Variants in QRICH1 observed in about 807,000 individuals in gnomAD.
QRICH1 encodes the protein transcriptional regulator QRICH1.
QRICH1 carries 16 observed loss-of-function variants against 87.1 expected under a neutral mutation model. That is an observed-to-expected ratio of 0.18 (90% CI 0.12 to 0.28). The LOEUF (loss-of-function observed/expected upper bound fraction) is 0.28, where lower values mean the gene tolerates loss of function less well. Ranked by LOEUF, QRICH1 falls within the 10% of genes least tolerant of loss-of-function variation. The pLI is 1.00. For missense variants in QRICH1, 647 were observed against 951.7 expected, an observed-to-expected ratio of 0.68 and a Z score of 4.21; for synonymous variants, 367 against 368.4, an observed-to-expected ratio of 1.00 and a Z score of 0.05.
At chr3:49,047,436 T>G (rs1024719513) in intron 3 of QRICH1, among the ~76,000 whole-genome samples, 190 bp from the exon 4 acceptor site, 3 of 151,574 alleles carry the variant, frequency 2.0e-5, no homozygotes, top group African/African-American at 7.3e-5. Flanking sequence ...GCACTGCAAC[T>G]GGGCTAGTGC....
At chr3:49,076,629 A>G in intron 2 of QRICH1, 80 bp downstream of exon 2, 1 of 1,282,276 alleles carries the variant, frequency 7.8e-7, no homozygotes, top group Non-Finnish European at 1.0e-6. Context: ...ATCCACATAG[A>G]TGTGATGAGC....
intron 4 of QRICH1, 72 bp from the exon 5 acceptor site, chr3:49,046,651 C>A: frequency 6.7e-7 from 1 of 1,501,376 alleles, no homozygotes; most frequent in Non-Finnish European, 9.0e-7. Flanking sequence ...ACAGATACTG[C>A]CCATCAGGGT....
rs559679700 is a variant in QRICH1 at position 49,087,842 on chromosome 3, A to G, written c.-22+6070T>C. Reference sequence around the variant, plus strand: ...TCAAAAAAAAAAAAAAAAAAAAAGAACAATGTCTTCTATGCTTCTTTGAAA... The same window carrying G: ...TCAAAAAAAAAAAAAAAAAAAAAGAGCAATGTCTTCTATGCTTCTTTGAAA... On this transcript the variant is annotated intron_variant, in intron 1 of 9. Transcript: ENST00000395443. Among the ~76,000 whole-genome samples, 202 of 148,936 alleles carry G rather than the reference A, an allele frequency of 1.4e-3. 2 individuals carry two copies. Among genetic ancestry groups the G allele is most frequent in the Admixed American group, 5.7e-3 (85 of 14,856 alleles).
intron 1 of QRICH1, among the ~76,000 whole-genome samples, chr3:49,093,056 G>T (rs1409482683): frequency 6.6e-6 from 1 of 152,120 alleles, no homozygotes; most frequent in Non-Finnish European, 1.5e-5. Context: ...TGACGTGTAT[G>T]AATTACGCTT....
At chr3:49,085,626 C>T (rs961016886) in intron 1 of QRICH1, among the ~76,000 whole-genome samples, 3 of 151,710 alleles carry the variant, frequency 2.0e-5, no homozygotes, top group African/African-American at 7.3e-5. Context: ...GGTGTGGTGA[C>T]ACGTGCCTGT....
intron 6 of QRICH1, among the ~76,000 whole-genome samples, chr3:49,037,022 G>GT (rs2093279303): frequency 2.9e-5 from 4 of 135,926 alleles, no homozygotes; most frequent in Non-Finnish European, 4.6e-5. Context: ...AGTGAGCCGT[G>GT]TTCCCATCAC....
chr3:49,070,021 C>T (rs1036225220), intron 2 of QRICH1, among the ~76,000 whole-genome samples: 2 of 152,010 alleles, frequency 1.3e-5, no homozygotes, highest in Admixed American at 6.6e-5. Flanking sequence ...TTCTTTCCTA[C>T]ACGCATTTGT....
chr3:49,087,877 A>ATGTT (rs1559958363), intron 1 of QRICH1, among the ~76,000 whole-genome samples: 1 of 147,208 alleles, frequency 6.8e-6, no homozygotes, highest in Non-Finnish European at 1.5e-5. Flanking sequence ...ATAACTCCAT[A>ATGTT]TGTTTATAAG....
chr3:49,070,302 T>C (rs1276005981), intron 2 of QRICH1, among the ~76,000 whole-genome samples: 4 of 151,952 alleles, frequency 2.6e-5, no homozygotes, highest in Admixed American at 6.6e-5. Context: ...CCTCCCAAGG[T>C]GCTGGGATTA....
intron 6 of QRICH1, among the ~76,000 whole-genome samples, chr3:49,043,508 A>G (rs2093322596): frequency 6.9e-6 from 1 of 145,752 alleles, no homozygotes; most frequent in Non-Finnish European, 1.5e-5. Flanking sequence ...AAAAAAAAAA[A>G]AAAAAAAAAA....
intron 6 of QRICH1, among the ~76,000 whole-genome samples, chr3:49,034,934 G>T (rs1461976331): frequency 6.6e-6 from 1 of 152,146 alleles, no homozygotes. Flanking sequence ...GCAGAAAAAA[G>T]AACATTCTGC....
chr3:49,058,376 G>C (rs1225068651), intron 2 of QRICH1, among the ~76,000 whole-genome samples: 2 of 152,012 alleles, frequency 1.3e-5, no homozygotes, highest in African/African-American at 4.8e-5. Flanking sequence ...GCCCAGGCTG[G>C]AATGCAGTGG....
chr3:49,035,088 A>G (rs2093266780), intron 6 of QRICH1, among the ~76,000 whole-genome samples: 1 of 152,132 alleles, frequency 6.6e-6, no homozygotes, highest in African/African-American at 2.4e-5. Context: ...CAATGGGAAA[A>G]GCTTTTCTGC....
intron 2 of QRICH1, among the ~76,000 whole-genome samples, chr3:49,075,711 G>A (rs1411901068): frequency 1.3e-5 from 2 of 152,154 alleles, no homozygotes; most frequent in African/African-American, 4.8e-5. Flanking sequence ...CACTTTGGGA[G>A]GCCAAGGCAC....
At chr3:49,056,827 C>G (rs2093405063) in intron 3 of QRICH1, 35 bp downstream of exon 3, 2 of 1,613,988 alleles carry the variant, frequency 1.2e-6, no homozygotes, top group Non-Finnish European at 8.5e-7. Flanking sequence ...CCTGAGGGAC[C>G]AGGCTGCCTG....
chr3:49,034,079 T>TTTTTTATTATTA (rs1553739007), intron 6 of QRICH1, among the ~76,000 whole-genome samples: 53 of 147,208 alleles, frequency 3.6e-4, no homozygotes, highest in African/African-American at 1.3e-3. Flanking sequence ...TTTGGGGGAT[T>TTTTTTATTATTA]TTATTATTAT....
intron 3 of QRICH1, among the ~76,000 whole-genome samples, chr3:49,049,375 A>ACCT (rs1471081252): frequency 6.6e-6 from 1 of 151,758 alleles, no homozygotes; most frequent in African/African-American, 2.4e-5. Flanking sequence ...AACCCAGGAG[A>ACCT]CGGAGGTTAC....
chr3:49,047,435 C>T (rs537959224), intron 3 of QRICH1, among the ~76,000 whole-genome samples, 189 bp from the exon 4 acceptor site: 1 of 150,760 alleles, frequency 6.6e-6, no homozygotes, highest in Admixed American at 6.6e-5. Flanking sequence ...AGCACTGCAA[C>T]TGGGCTAGTG....
Position 49,029,795 on chromosome 3 carries a change from A to T in QRICH1, c.*657T>A, listed in dbSNP as rs1222010535. On this transcript the variant is annotated 3_prime_UTR_variant, in exon 10 of 10. Coordinates refer to ENST00000395443, the MANE Select transcript of QRICH1 (RefSeq NM_198880.3). ...GAGTGGTATCTTTATATGATACACA[A>T]GTGTATGTTACAAGAATTCCATCAG... 4.9e-6 allele frequency: 1 copy of T among 204,812 alleles called. No homozygotes were observed. Among genetic ancestry groups the T allele is most frequent in the Admixed American group, 5.3e-5 (1 of 18,856 alleles). 12.7% of individuals were successfully genotyped at this position (204,812 alleles called of 1,614,324 possible). A position where few individuals can be genotyped will look rare whatever the true frequency, so the allele number is the denominator to read the frequency against.
Sources: gnomAD v4.1 joint callset for allele counts (sites outside exome capture counted in the v4.1 genomes callset) on GRCh38, gnomAD v4.1.1 for gene constraint, MANE v1.5 for transcripts, NCBI Gene and HGNC (gene_info 2026-07-23, HGNC 2026-07-21) for gene names.